Variants in DLAT observed in about 807,000 individuals in gnomAD.
The protein encoded by DLAT is dihydrolipoyllysine-residue acetyltransferase component of pyruvate dehydrogenase complex, mitochondrial.
Under a neutral mutation model 68.0 loss-of-function variants are expected in DLAT, and 43 were observed. The observed-to-expected ratio is 0.63, with a 90% CI of 0.50 to 0.81. The LOEUF (loss-of-function observed/expected upper bound fraction) is 0.81. Among genes scored for constraint, DLAT ranks in the 40% least tolerant of loss-of-function variants. The probability of loss-of-function intolerance (pLI) is 0.00; values close to 1 mark genes in which losing one functional copy is unlikely to be tolerated. For synonymous variants in DLAT, 265 were observed against 288.6 expected, an observed-to-expected ratio of 0.92 and a Z score of 0.83; for missense variants, 745 against 815.4, an observed-to-expected ratio of 0.91 and a Z score of 1.05.
At chr11:112,055,235 ATTTTTTTTTTT>A (rs66865041) in intron 11 of DLAT, among the ~76,000 whole-genome samples, 1 of 75,444 alleles carries the variant, frequency 1.3e-5, no homozygotes, top group South Asian at 5.1e-4. Flanking sequence ...GTCAAGGCCT[ATTTTTTTTTTT>A]TTTTTTTTTT....
At chr11:112,025,812 C>T (rs1555179189) in intron 1 of DLAT, 61 bp downstream of exon 1, 1 of 1,595,268 alleles carries the variant, frequency 6.3e-7, no homozygotes, top group Non-Finnish European at 8.6e-7. Context: ...TGGATGCCTG[C>T]AAGATCCTCC....
At chr11:112,030,032 C>T (rs1034049004) in intron 4 of DLAT, 84 of 1,007,664 alleles carry the variant, frequency 8.3e-5, no homozygotes, top group African/African-American at 4.0e-4. Context: ...CGCTGTTTGC[C>T]GTGGAAAGCA....
Position 112,051,363 on chromosome 11 carries a change from G to C in DLAT, c.1514+14G>C. On this transcript the variant is annotated intron_variant, in intron 11 of 13. Transcript: ENST00000280346. The surrounding 1 kb of genome is among the most constrained non-coding windows in gnomAD (Gnocchi z 4.3). ...AGTTATAAGACAGTAAGTATAACTG[G>C]GGAAGATATATATCCATCGGTAGTT... 6.5e-7 allele frequency: 1 copy of C among 1,529,820 alleles called. No individual in the cohort carries two copies. The highest frequency in any genetic ancestry group is 1.1e-5 in the South Asian group (1 of 89,416). 94.8% of individuals were successfully genotyped at this position (1,529,820 alleles called of 1,614,324 possible).
At chr11:112,027,840 G>T (rs1487043076) in intron 2 of DLAT, among the ~76,000 whole-genome samples, 7 of 152,134 alleles carry the variant, frequency 4.6e-5, no homozygotes, top group African/African-American at 1.4e-4. Context: ...AGTGAGCCGA[G>T]AAGGCAGCAG....
In DLAT at chr11:112,028,823, A is replaced by G; in HGVS notation, c.538A>G (p.Thr180Ala). The change falls in exon 4 of 14, where the codon ACA (threonine) becomes GCA (alanine). Residue 180 changes from threonine to alanine, a missense_variant. Physicochemically the swap from Thr to Ala is moderately conservative, Grantham distance 58. Transcript: ENST00000280346. ...PEDIEAFKNYTLDSSAAPTPQ... is the reference protein window; with the variant it reads ...PEDIEAFKNYALDSSAAPTPQ... ...GGATATTGAGGCCTTTAAAAATTAT[A>G]CACTGGATTCCTCAGCAGCACCTAC... The G allele has an allele frequency of 6.2e-7, 1 of 1,614,162 alleles. No individual in the cohort carries two copies. Among genetic ancestry groups the G allele is most frequent in the Non-Finnish European group, 8.5e-7 (1 of 1,180,034 alleles).
At chr11:112,036,062 A>T (rs1555180402) in intron 5 of DLAT, among the ~76,000 whole-genome samples, 1 of 151,714 alleles carries the variant, frequency 6.6e-6, no homozygotes. Flanking sequence ...AAGTGCTGGG[A>T]TAACAGGCGT....
At chr11:112,030,861 G>C (rs782010069) in intron 4 of DLAT, among the ~76,000 whole-genome samples, 9 of 152,240 alleles carry the variant, frequency 5.9e-5, no homozygotes, top group African/African-American at 2.2e-4. Context: ...CTACTCCATG[G>C]TCTGTTAGTA....
chr11:112,054,776 C>G (rs1555182316), intron 11 of DLAT, among the ~76,000 whole-genome samples: 1 of 152,178 alleles, frequency 6.6e-6, no homozygotes, highest in Non-Finnish European at 1.5e-5. Context: ...ATCAGGGTTT[C>G]AGCAGGGGCA....
chr11:112,051,270 TTCA>T lies in DLAT; in HGVS notation c.1440_1442del (p.Ile481del). The T allele has an allele frequency of 6.2e-7, 1 of 1,613,262 alleles. No homozygotes were observed. The highest frequency in any genetic ancestry group is 2.2e-5 in the East Asian group (1 of 44,850). ...GAGAAGCAAAATTTCTGTCAATGAC[TTCA>T]TCATAAAAGCTTCAGCTTTGGCATG... On this transcript the variant is annotated inframe_deletion, in exon 11 of 14. Coordinates refer to ENST00000280346, the MANE Select transcript of DLAT (RefSeq NM_001931.5). The surrounding 1 kb of genome is among the most constrained non-coding windows in gnomAD (Gnocchi z 4.3).
chr11:112,032,668 C>G (rs1279442677), intron 4 of DLAT: 2 of 152,008 alleles, frequency 1.3e-5, no homozygotes, highest in Admixed American at 6.6e-5. Flanking sequence ...ATGCAGTTTC[C>G]TGTGGGTAAA....
chr11:112,025,440 G>C lies in DLAT; in HGVS notation c.-33G>C. On this transcript the variant is annotated 5_prime_UTR_variant, in exon 1 of 14. Coordinates refer to ENST00000280346, the MANE Select transcript of DLAT (RefSeq NM_001931.5). The stretch of plus-strand genomic sequence containing the variant: ...TTGGAGAGGTCACTCCGGAGACGGC[G>C]TTGGTTTTGGGGTGTGGGGGGTTGG... The C allele has an allele frequency of 6.2e-7, 1 of 1,601,868 alleles. No homozygotes were observed. Among genetic ancestry groups the C allele is most frequent in the Non-Finnish European group, 8.5e-7 (1 of 1,176,596 alleles).
intron 11 of DLAT, among the ~76,000 whole-genome samples, chr11:112,052,235 T>C (rs1323041853): frequency 6.6e-6 from 1 of 152,056 alleles, no homozygotes; most frequent in Non-Finnish European, 1.5e-5. Flanking sequence ...GGGGAGGGTT[T>C]CCCCACACAC....
In DLAT at chr11:112,048,402, T is replaced by C. The variant is rs968297970; in HGVS notation, c.1398+2432T>C. Reference sequence around the variant, plus strand: ...ATGGGGTTTTCTAACTATACAATCATGTCATCTACAAACAGACAATTTGAC... The same window carrying C: ...ATGGGGTTTTCTAACTATACAATCACGTCATCTACAAACAGACAATTTGAC... On this transcript the variant is annotated intron_variant, in intron 10 of 13. Coordinates refer to ENST00000280346, the MANE Select transcript of DLAT (RefSeq NM_001931.5). 2.6e-5 allele frequency among the ~76,000 whole-genome samples: 4 copies of C among 152,236 alleles called. No homozygotes were observed. The East Asian group carries it at 5.8e-4, about 22-fold the overall frequency.
chr11:112,039,426 A>G, intron 7 of DLAT, 29 bp downstream of exon 7: 1 of 1,612,120 alleles, frequency 6.2e-7, no homozygotes, highest in Non-Finnish European at 8.5e-7. Context: ...AATGGACTTT[A>G]TAAAGTTAAA....
Position 112,051,939 on chromosome 11 carries a change from C to G in DLAT, c.1514+590C>G, listed in dbSNP as rs1005832757. On this transcript the variant is annotated intron_variant, in intron 11 of 13. Coordinates refer to ENST00000280346, the MANE Select transcript of DLAT (RefSeq NM_001931.5). This position sits in a 1 kb window ranked among gnomAD's most constrained non-coding sequence, Gnocchi z 4.3. ...ATGGTACTCAGTGTGTCTCTTTTAT[C>G]TCATTCAATTCTCATGACTATCTTA... 6.6e-6 allele frequency among the ~76,000 whole-genome samples: 1 copy of G among 152,080 alleles called. No homozygotes were observed. Among genetic ancestry groups the G allele is most frequent in the African/African-American group, 2.4e-5 (1 of 41,410 alleles).
chr11:112,028,039 A>G (rs1229904945), intron 2 of DLAT, among the ~76,000 whole-genome samples: 1 of 152,134 alleles, frequency 6.6e-6, no homozygotes, highest in Admixed American at 6.5e-5. Context: ...ATGTGTAGCT[A>G]CCCCTTTGTT....
At position 112,063,431 on chromosome 11, in the gene DLAT, A is replaced by G. The variant is rs1864760258; in HGVS notation, c.*896A>G. The G allele has an allele frequency of 6.6e-6, 1 of 152,648 alleles. No individual in the cohort carries two copies. The highest frequency in any genetic ancestry group is 1.5e-5 in the Non-Finnish European group (1 of 68,028). The allele number at this position is 152,648 out of a possible 1,614,324, so 9.5% of individuals were successfully genotyped here. On this transcript the variant is annotated 3_prime_UTR_variant, in exon 14 of 14. Coordinates refer to ENST00000280346, the MANE Select transcript of DLAT (RefSeq NM_001931.5). ...GCTATCAAATAACTAAGGAATATATATGGAATAAGTGTACATATGTAAAAT... is the reference window on the plus strand; with the variant it reads ...GCTATCAAATAACTAAGGAATATATGTGGAATAAGTGTACATATGTAAAAT...
At chr11:112,032,409 T>C (rs899383248) in intron 4 of DLAT, 2 of 152,190 alleles carry the variant, frequency 1.3e-5, no homozygotes, top group Non-Finnish European at 2.9e-5. Context: ...TATAGACTTA[T>C]CTTTTAGGCC....
rs1862831508 is a variant in DLAT, at chr11:112,037,433, A to G, written c.948A>G (p.Pro316=). The G allele has an allele frequency of 6.2e-7, 1 of 1,614,110 alleles. No homozygotes were observed. The highest frequency in any genetic ancestry group is 1.3e-5 in the African/African-American group (1 of 74,940). Reference sequence around the variant, plus strand: ...CAACCGAAGTAACAGATTTAAAACCACAAGTGCCACCACCTACCCCACCCC... The same window carrying G: ...CAACCGAAGTAACAGATTTAAAACCGCAAGTGCCACCACCTACCCCACCCC... ...YRPTEVTDLK[P]QVPPPTPPPV... Residue 316 remains proline, a synonymous_variant, in exon 6 of 14, where the codon CCA becomes CCG. Coordinates refer to ENST00000280346, the MANE Select transcript of DLAT (RefSeq NM_001931.5).
Sources: gnomAD v4.1 joint callset for allele counts (sites outside exome capture counted in the v4.1 genomes callset) on GRCh38, gnomAD v4.1.1 for gene constraint, Gnocchi (gnomAD v3.1) non-coding constraint, MANE v1.5 for transcripts, NCBI Gene and HGNC (gene_info 2026-07-23, HGNC 2026-07-21) for gene names.